The following ATP6V0E1 variants were observed in gnomAD, a reference collection of about 807,000 sequenced individuals.
ATP6V0E1 encodes the protein ATPase H+ transporting V0 subunit e1.
A neutral mutation model predicts 11.6 loss-of-function variants in ATP6V0E1; 4 were observed. That is an observed-to-expected ratio of 0.35 (90% CI 0.17 to 0.79). ATP6V0E1 has a LOEUF of 0.79. ATP6V0E1 is among the 30% of genes least tolerant of loss of function. ATP6V0E1 has a pLI of 0.54. For missense variants in ATP6V0E1, 105 were observed against 100.0 expected (o/e 1.05, Z -0.21); for synonymous variants, 36 against 34.8 (o/e 1.04, Z -0.13).
At chr5:172,988,620 T>A (rs62385860) in intron 1 of ATP6V0E1, among the ~76,000 whole-genome samples, 1 of 152,224 alleles carries the variant, frequency 6.6e-6, no homozygotes, top group Non-Finnish European at 1.5e-5. Context: ...AGTTCCCCTT[T>A]ACCTCTTGAA....
intron 2 of ATP6V0E1, among the ~76,000 whole-genome samples, chr5:173,018,870 A>C (rs777957435): frequency 6.6e-5 from 10 of 152,318 alleles, no homozygotes; most frequent in African/African-American, 2.2e-4. Flanking sequence ...TTTATTTGGC[A>C]TATGAATTAC....
intron 3 of ATP6V0E1, among the ~76,000 whole-genome samples, chr5:173,024,883 G>A (rs1219188746): frequency 1.4e-5 from 2 of 138,382 alleles, no homozygotes; most frequent in Non-Finnish European, 3.0e-5. Flanking sequence ...TCGCTCTGAC[G>A]CCAGGCTGGA....
chr5:172,985,617 T>C (rs1284672084), intron 1 of ATP6V0E1, among the ~76,000 whole-genome samples: 1 of 152,232 alleles, frequency 6.6e-6, no homozygotes, highest in African/African-American at 2.4e-5. Flanking sequence ...TGTCTGCCTT[T>C]ATGGCCTTTG....
chr5:172,992,369 C>G (rs901997478), intron 1 of ATP6V0E1, among the ~76,000 whole-genome samples: 3 of 152,142 alleles, frequency 2.0e-5, no homozygotes, highest in Non-Finnish European at 4.4e-5. Flanking sequence ...CCTTTTCACT[C>G]AGAGTCAAAG....
In ATP6V0E1 at chr5:173,019,757, A is replaced by T. The variant is rs555751300; in HGVS notation, c.153-481A>T. Among the ~76,000 whole-genome samples, 12 of 152,278 alleles carry T rather than the reference A, an allele frequency of 7.9e-5. No homozygotes were observed. In the South Asian group the frequency reaches 2.1e-3, roughly 26 times the overall value. On this transcript the variant is annotated intron_variant, in intron 2 of 3. Transcript: ENST00000519374. Reference sequence around the variant, plus strand: ...TAGAAAAGGGGACCTTACATGTTATAGTCTAATAGGAAGATGATAAGCTAC... The same window carrying T: ...TAGAAAAGGGGACCTTACATGTTATTGTCTAATAGGAAGATGATAAGCTAC...
At chr5:172,996,181 A>C (rs1756062750) in intron 2 of ATP6V0E1, among the ~76,000 whole-genome samples, 1 of 152,216 alleles carries the variant, frequency 6.6e-6, no homozygotes, top group Non-Finnish European at 1.5e-5. Flanking sequence ...ACAAAATAGA[A>C]AATTTACCAT....
chr5:173,014,668 A>G (rs1408968972), intron 2 of ATP6V0E1, among the ~76,000 whole-genome samples: 1 of 152,210 alleles, frequency 6.6e-6, no homozygotes, highest in Non-Finnish European at 1.5e-5. Context: ...GAGCTAAAAA[A>G]TTTGATGTCA....
intron 2 of ATP6V0E1, among the ~76,000 whole-genome samples, chr5:173,004,481 G>C (rs1431580234): frequency 6.6e-6 from 1 of 152,160 alleles, no homozygotes; most frequent in Non-Finnish European, 1.5e-5. Context: ...ACGTGAACAA[G>C]TAGCAGATAA....
At chr5:172,994,635 A>G (rs372851853) in intron 1 of ATP6V0E1, 140 bp from the exon 2 acceptor site, 24 of 663,546 alleles carry the variant, frequency 3.6e-5, no homozygotes, top group East Asian at 3.4e-4. Context: ...TTTGCTGGAT[A>G]TTTGAGCAAA....
At chr5:173,003,792 T>C (rs188632862) in intron 2 of ATP6V0E1, among the ~76,000 whole-genome samples, 3 of 152,330 alleles carry the variant, frequency 2.0e-5, no homozygotes, top group African/African-American at 4.8e-5. Context: ...TGGTACATGC[T>C]AATTAGGACT....
At chr5:173,005,413 C>A (rs1370751064) in intron 2 of ATP6V0E1, among the ~76,000 whole-genome samples, 3 of 152,102 alleles carry the variant, frequency 2.0e-5, no homozygotes, top group African/African-American at 7.2e-5. Context: ...GGCATTTTGC[C>A]ATGTTGCCCA....
intron 3 of ATP6V0E1, 84 bp from the exon 4 acceptor site, chr5:173,034,315 G>T: frequency 1.4e-6 from 1 of 694,686 alleles, no homozygotes; most frequent in Non-Finnish European, 2.6e-6. Flanking sequence ...TAAAGTGTTG[G>T]CTTGGTTAAC....
At chr5:173,013,986 G>A (rs772360048) in intron 2 of ATP6V0E1, among the ~76,000 whole-genome samples, 1 of 151,954 alleles carries the variant, frequency 6.6e-6, no homozygotes, top group East Asian at 1.9e-4. Flanking sequence ...CAACATGGTG[G>A]AACCCCATCT....
At chr5:173,024,617 A>T (rs1756528758) in intron 3 of ATP6V0E1, among the ~76,000 whole-genome samples, 1 of 151,892 alleles carries the variant, frequency 6.6e-6, no homozygotes, top group African/African-American at 2.4e-5. Flanking sequence ...GGCCCATTTG[A>T]CTCTGGTTCT....
At chr5:173,017,243 G>T (rs1473837175) in intron 2 of ATP6V0E1, among the ~76,000 whole-genome samples, 1 of 152,176 alleles carries the variant, frequency 6.6e-6, no homozygotes, top group Non-Finnish European at 1.5e-5. Context: ...CCCTTAGAAA[G>T]TGATTCCCTG....
chr5:173,007,499 A>G (rs1439388607), intron 2 of ATP6V0E1, among the ~76,000 whole-genome samples: 1 of 152,204 alleles, frequency 6.6e-6, no homozygotes, highest in African/African-American at 2.4e-5. Context: ...ATCTCATCCT[A>G]TAGCAGTCTG....
At chr5:173,024,846 C>CTTT (rs542062411) in intron 3 of ATP6V0E1, among the ~76,000 whole-genome samples, 4 of 136,216 alleles carry the variant, frequency 2.9e-5, no homozygotes, top group Admixed American at 7.5e-5. Context: ...TTTCTTTTTT[C>CTTT]TTTTTTTTTT....
intron 2 of ATP6V0E1, among the ~76,000 whole-genome samples, chr5:173,013,556 C>T (rs1327260834): frequency 8.2e-6 from 1 of 122,116 alleles, no homozygotes; most frequent in Admixed American, 1.0e-4. Flanking sequence ...GCCTGGGCGA[C>T]AGAGCCAGAC....
chr5:173,010,716 G>A (rs1158398887), intron 2 of ATP6V0E1, among the ~76,000 whole-genome samples: 2 of 152,226 alleles, frequency 1.3e-5, no homozygotes, highest in East Asian at 1.9e-4. Context: ...GGTCACTGCT[G>A]TCATGGCCCT....
Sources: gnomAD v4.1 joint callset for allele counts (sites outside exome capture counted in the v4.1 genomes callset) on GRCh38, gnomAD v4.1.1 for gene constraint, MANE v1.5 for transcripts, NCBI Gene and HGNC (gene_info 2026-07-23, HGNC 2026-07-21) for gene names.